Variants in AR observed in about 807,000 individuals in gnomAD.
AR encodes androgen receptor.
A neutral mutation model predicts 53.9 loss-of-function variants in AR; 8 were observed. The observed-to-expected ratio is 0.15, with a 90% confidence interval of 0.09 to 0.27. The LOEUF (loss-of-function observed/expected upper bound fraction) is 0.27, where lower values mean the gene tolerates loss of function less well. Ranked by LOEUF, AR falls within the 10% of genes least tolerant of loss-of-function variation. The pLI is 1.00. For missense variants in AR, 639 were observed against 742.5 expected, an observed-to-expected ratio of 0.86 and a Z score of 1.62; for synonymous variants, 359 against 316.4, an observed-to-expected ratio of 1.13 and a Z score of -1.43.
intron 1 of AR, among the ~76,000 whole-genome samples, chrX:67,642,531 A>G (rs185441955): frequency 1.8e-5 from 2 of 111,433 alleles, no homozygotes; most frequent in Non-Finnish European, 1.9e-5. Flanking sequence ...ATCATTGTAC[A>G]TCATTTTTTC....
At position 67,720,803 on chromosome X, in the gene AR, G is replaced by T. The variant is rs1271582610; in HGVS notation, c.2319-1030G>T. Among the ~76,000 whole-genome samples, 4 of 108,334 alleles carry T rather than the reference G, an allele frequency of 3.7e-5. No individual in the cohort carries two copies. In the Admixed American group the frequency reaches 3.9e-4, roughly 11 times the overall value. 94.1% of individuals were successfully genotyped at this position (108,334 alleles called of 115,157 possible). On this transcript the variant is annotated intron_variant, in intron 5 of 7. Coordinates refer to ENST00000374690, the MANE Select transcript of AR (RefSeq NM_000044.6). ...ATAGCCTTTAGGCTCCATCTGGGAG[G>T]TCTTTGTCCTCACCACTTAAGTGGG...
chrX:67,628,173 G>T (rs748141378), intron 1 of AR, among the ~76,000 whole-genome samples: 21 of 110,786 alleles, frequency 1.9e-4, no homozygotes, highest in Admixed American at 1.7e-3. Context: ...ATTCTGTGAA[G>T]AAAGTCATCA....
chrX:67,674,551 C>A (rs771511690), intron 2 of AR, among the ~76,000 whole-genome samples: 1 of 111,209 alleles, frequency 9.0e-6, no homozygotes, highest in Non-Finnish European at 1.9e-5. Context: ...TGTCCTCAAG[C>A]AAAGGAGTCT....
intron 1 of AR, among the ~76,000 whole-genome samples, chrX:67,607,037 T>G (rs1326729831): frequency 1.3e-4 from 14 of 111,553 alleles, no homozygotes; most frequent in Non-Finnish European, 5.7e-5. Flanking sequence ...TTTTGTTTTT[T>G]TTTTTATTTG....
intron 3 of AR, among the ~76,000 whole-genome samples, chrX:67,705,597 A>G (rs1372555721): frequency 3.6e-5 from 4 of 111,497 alleles, no homozygotes; most frequent in African/African-American, 1.3e-4. Flanking sequence ...GCAAACAGGG[A>G]CAATTTGACT....
At chrX:67,567,094 T>C (rs1921587189) in intron 1 of AR, among the ~76,000 whole-genome samples, 2 of 111,031 alleles carry the variant, frequency 1.8e-5, no homozygotes, top group African/African-American at 3.3e-5. Context: ...TTATTTTTCA[T>C]AGAGGCCATT....
chrX:67,679,520 A>G (rs2075920705), intron 2 of AR, among the ~76,000 whole-genome samples: 1 of 111,771 alleles, frequency 8.9e-6, no homozygotes, highest in African/African-American at 3.2e-5. Flanking sequence ...CTAGAAGTGG[A>G]ATTCCTAGAA....
At chrX:67,636,379 T>A (rs1044113868) in intron 1 of AR, among the ~76,000 whole-genome samples, 1 of 111,967 alleles carries the variant, frequency 8.9e-6, no homozygotes, top group African/African-American at 3.2e-5. Context: ...TATTGCTTGC[T>A]TTTGCTTCTT....
chrX:67,648,982 G>A (rs74575729), intron 2 of AR, among the ~76,000 whole-genome samples: 2 of 111,417 alleles, frequency 1.8e-5, no homozygotes, highest in African/African-American at 6.5e-5. Flanking sequence ...CCAACAACCC[G>A]TCATCTACAT....
At chrX:67,574,195 A>C (rs1440841191) in intron 1 of AR, among the ~76,000 whole-genome samples, 1 of 111,838 alleles carries the variant, frequency 8.9e-6, no homozygotes, top group Non-Finnish European at 1.9e-5. Flanking sequence ...CATAGAGGGT[A>C]GTTTGAAAGA....
intron 1 of AR, among the ~76,000 whole-genome samples, chrX:67,617,662 G>A (rs1924185605): frequency 9.0e-6 from 1 of 111,668 alleles, no homozygotes; most frequent in Non-Finnish European, 1.9e-5. Context: ...TTATGTGAAT[G>A]TGCTTTATGT....
At chrX:67,645,260 A>G (rs1376167798) in intron 2 of AR, among the ~76,000 whole-genome samples, 3 of 111,941 alleles carry the variant, frequency 2.7e-5, no homozygotes, top group African/African-American at 9.7e-5. Context: ...TTATTTTCAG[A>G]AAACAGGGGA....
Position 67,725,067 on chromosome X carries a change from G to T in AR, c.*1226G>T, listed in dbSNP as rs749067958. The T allele has an allele frequency of 1.2e-4, 21 of 173,649 alleles. No individual in the cohort carries two copies. The highest frequency in any genetic ancestry group is 5.9e-4 in the African/African-American group (20 of 33,792). The allele number at this position is 173,649 out of a possible 1,213,427, so 14.3% of individuals were successfully genotyped here. On this transcript the variant is annotated 3_prime_UTR_variant, in exon 8 of 8. Transcript: ENST00000374690. ...TGAATGAAGTTTTCTGCCAAACTCC[G>T]TGAAGCCACAAGCACCTTATGTCCT...
chrX:67,634,145 G>T (rs1208589043), intron 1 of AR, among the ~76,000 whole-genome samples: 1 of 111,499 alleles, frequency 9.0e-6, no homozygotes, highest in African/African-American at 3.3e-5. Flanking sequence ...TGGAGTAAGG[G>T]TGGGGAAATA....
chrX:67,661,609 G>C (rs191928615), intron 2 of AR, among the ~76,000 whole-genome samples: 7 of 111,475 alleles, frequency 6.3e-5, no homozygotes, highest in Non-Finnish European at 9.4e-5. Context: ...TTTTATTGAG[G>C]ATTTTTGCAT....
chrX:67,588,679 T>A (rs1384202840), intron 1 of AR, among the ~76,000 whole-genome samples: 3 of 112,416 alleles, frequency 2.7e-5, no homozygotes, highest in Non-Finnish European at 5.6e-5. Context: ...CCCCAGGACA[T>A]TGACTAAATA....
intron 1 of AR, among the ~76,000 whole-genome samples, chrX:67,590,653 A>G (rs1408788124): frequency 8.9e-6 from 1 of 112,052 alleles, no homozygotes; most frequent in African/African-American, 3.2e-5. Context: ...CAGCATGGAT[A>G]ATTTAGATGT....
intron 1 of AR, among the ~76,000 whole-genome samples, chrX:67,639,372 G>C (rs1488794216): frequency 8.9e-6 from 1 of 111,757 alleles, no homozygotes; most frequent in South Asian, 3.7e-4. Flanking sequence ...TTGGCAGCTT[G>C]ATGGGGTTAG....
chrX:67,692,703 C>T (rs924186397), intron 3 of AR, among the ~76,000 whole-genome samples: 2 of 111,772 alleles, frequency 1.8e-5, no homozygotes, highest in Non-Finnish European at 3.8e-5. Context: ...GAAACTGGTA[C>T]ACAGTAGGCA....
Sources: allele counts gnomAD v4.1 joint callset (sites outside exome capture counted in the v4.1 genomes callset), GRCh38; gene constraint gnomAD v4.1.1; transcripts MANE v1.5; gene names NCBI Gene and HGNC (gene_info 2026-07-23, HGNC 2026-07-21).